Variants in XYLB observed in about 807,000 individuals in gnomAD.
The protein encoded by XYLB is xylulose kinase.
In XYLB, 62 loss-of-function variants were observed where a neutral mutation model predicts 78.7. That is an observed-to-expected ratio of 0.79 (90% CI 0.64 to 0.97). The LOEUF is 0.97. XYLB is among the 50% of genes least tolerant of loss of function. The pLI is 0.00. For synonymous variants in XYLB, 245 were observed against 247.4 expected, an observed-to-expected ratio of 0.99 and a Z score of 0.09; for missense variants, 687 against 676.8, an observed-to-expected ratio of 1.02 and a Z score of -0.17.
At chr3:38,402,456 A>C (rs1708157743) in intron 18 of XYLB, among the ~76,000 whole-genome samples, 1 of 152,098 alleles carries the variant, frequency 6.6e-6, no homozygotes, top group East Asian at 1.9e-4. Flanking sequence ...CAGACAAACC[A>C]CACACATAGG....
At chr3:38,440,862 GTC>G in the XYLB span, among the ~76,000 whole-genome samples, 2 of 150,044 alleles carry the variant, frequency 1.3e-5, no homozygotes, top group Non-Finnish European at 3.0e-5. Flanking sequence ...TTCTGTCTTT[GTC>G]TCTTCCTCTC....
At chr3:38,391,893 G>A (rs1707672693) in intron 15 of XYLB, among the ~76,000 whole-genome samples, 1 of 152,194 alleles carries the variant, frequency 6.6e-6, no homozygotes, top group African/African-American at 2.4e-5. Flanking sequence ...GTTGGAAGAG[G>A]AATCAAGCTT....
chr3:38,418,295 A>G (rs1708868320), downstream of XYLB, among the ~76,000 whole-genome samples: 1 of 152,098 alleles, frequency 6.6e-6, no homozygotes, highest in South Asian at 2.1e-4. Flanking sequence ...ATGCTTACTG[A>G]CAAAAATCAA....
At chr3:38,347,302 A>G (rs1232081970) in intron 1 of XYLB, among the ~76,000 whole-genome samples, 1 of 152,248 alleles carries the variant, frequency 6.6e-6, no homozygotes, top group East Asian at 1.9e-4. Context: ...ACTGTAAGGC[A>G]GGGGAACAGA....
intron 17 of XYLB, among the ~76,000 whole-genome samples, chr3:38,399,047 AC>A (rs1406842630): frequency 6.6e-6 from 1 of 151,814 alleles, no homozygotes; most frequent in African/African-American, 2.4e-5. Context: ...CCATCTCAAA[AC>A]AAAAAACAAA....
intron 10 of XYLB, 73 bp downstream of exon 10, chr3:38,372,809 C>G: frequency 3.9e-6 from 6 of 1,528,490 alleles, no homozygotes; most frequent in East Asian, 2.3e-5. Flanking sequence ...GAATTCCAGT[C>G]CAGCCTCTTG....
chr3:38,401,829 G>A (rs35091896), intron 18 of XYLB, among the ~76,000 whole-genome samples: 59,161 of 151,546 alleles, frequency 0.39, 14,512 homozygotes, highest in Non-Finnish European at 0.55. Context: ...CATAGCATCC[G>A]CCACACCACT....
In XYLB at chr3:38,397,091, A is replaced by G. The variant is rs746969094; in HGVS notation, c.1370A>G (p.Asp457Gly). The G allele has an allele frequency of 1.2e-6, 2 of 1,614,152 alleles. No individual in the cohort carries two copies. Among genetic ancestry groups the G allele is most frequent in the South Asian group, 2.2e-5 (2 of 91,086 alleles). ...TTTCAGGTGCTTGCAGATGTGTTTG[A>G]TGCCCCGGTGTATGTTATAGACACT... ...EILQVLADVF[D>G]APVYVIDTAN... Residue 457 changes from aspartate to glycine, a missense_variant, in exon 17 of 19, where the codon GAT becomes GGT. Transcript: ENST00000207870.
intron 15 of XYLB, among the ~76,000 whole-genome samples, chr3:38,389,087 T>C (rs1707528331): frequency 2.0e-5 from 3 of 148,164 alleles, no homozygotes; most frequent in South Asian, 2.2e-4. Flanking sequence ...CAGAGGACCC[T>C]GCGGCCTTCC....
chr3:38,355,621 C>T, intron 2 of XYLB: 1 of 638,820 alleles, frequency 1.6e-6, no homozygotes, highest in African/African-American at 1.8e-5. Context: ...TATGTTCAGC[C>T]ATGTGACTGA....
chr3:38,373,358 C>T (rs189079080), intron 10 of XYLB, among the ~76,000 whole-genome samples: 222 of 152,300 alleles, frequency 1.5e-3, no homozygotes, highest in African/African-American at 4.6e-3. Flanking sequence ...CTTTTTCTAA[C>T]GATCCACCAG....
At chr3:38,429,014 C>T in the XYLB span, among the ~76,000 whole-genome samples, 1 of 152,188 alleles carries the variant, frequency 6.6e-6, no homozygotes, top group Non-Finnish European at 1.5e-5. Context: ...GCTGACAGAC[C>T]CTTCAGGGAT....
chr3:38,381,523 G>A (rs534006958), intron 15 of XYLB, among the ~76,000 whole-genome samples: 2 of 152,338 alleles, frequency 1.3e-5, no homozygotes, highest in South Asian at 4.1e-4. Context: ...GGGCAGAACA[G>A]AACCATGTTT....
At chr3:38,417,020 C>G (rs1242229358), downstream of XYLB, among the ~76,000 whole-genome samples, 2 of 152,202 alleles carry the variant, frequency 1.3e-5, no homozygotes, top group Non-Finnish European at 2.9e-5. Flanking sequence ...ACACCTCTCT[C>G]TCATCCAAGA....
chr3:38,441,856 G>C, the XYLB span, among the ~76,000 whole-genome samples: 1 of 152,190 alleles, frequency 6.6e-6, no homozygotes, highest in South Asian at 2.1e-4. Context: ...GTCTGAGTAA[G>C]GACTCCAAGA....
intron 10 of XYLB, among the ~76,000 whole-genome samples, chr3:38,373,964 G>A (rs540065154): frequency 6.6e-6 from 1 of 151,906 alleles, no homozygotes; most frequent in Non-Finnish European, 1.5e-5. Context: ...GCTGCCGTGA[G>A]CTATGATCAT....
the XYLB span, among the ~76,000 whole-genome samples, chr3:38,427,854 A>G: frequency 1.3e-5 from 2 of 152,156 alleles, no homozygotes; most frequent in African/African-American, 4.8e-5. Context: ...GGCCTCCCAA[A>G]TTTCTGGGAT....
intron 2 of XYLB, among the ~76,000 whole-genome samples, chr3:38,355,515 G>A (rs1705599823): frequency 2.0e-5 from 3 of 152,182 alleles, no homozygotes; most frequent in Admixed American, 6.5e-5. Context: ...TTTTACTACT[G>A]TAAGTGGGGA....
At chr3:38,391,922 G>A (rs112224482) in intron 15 of XYLB, among the ~76,000 whole-genome samples, 476 of 152,334 alleles carry the variant, frequency 3.1e-3, no homozygotes, top group Middle Eastern at 6.8e-3. Flanking sequence ...GATGAGTAGA[G>A]CTACTTTCCA....
Sources: gnomAD v4.1 joint callset for allele counts (sites outside exome capture counted in the v4.1 genomes callset) on GRCh38, gnomAD v4.1.1 for gene constraint, MANE v1.5 for transcripts, NCBI Gene and HGNC (gene_info 2026-07-23, HGNC 2026-07-21) for gene names.